The following DOK5 variants were observed in gnomAD, a reference collection of about 807,000 sequenced individuals.
DOK5 encodes the protein downstream of tyrosine kinase 5.
In DOK5, 27 loss-of-function variants were observed where a neutral mutation model predicts 43.3. The ratio of observed to expected loss-of-function variants is 0.62; its 90% confidence interval spans 0.46 to 0.86. The LOEUF is 0.86. Among genes scored for constraint, DOK5 ranks in the 40% least tolerant of loss-of-function variants. DOK5 has a pLI of 0.00. For synonymous variants in DOK5, 146 were observed against 140.1 expected (o/e 1.04, Z -0.30); for missense variants, 373 against 392.9 (o/e 0.95, Z 0.43).
Position 54,476,136 on chromosome 20 carries a change from TCA to T in DOK5, c.66+125_66+126del, listed in dbSNP as rs1190315550. 4 of 1,543,062 alleles carry T rather than the reference TCA, an allele frequency of 2.6e-6. No individual in the cohort carries two copies. In the African/African-American group the frequency reaches 5.4e-5, roughly 21 times the overall value. The stretch of plus-strand genomic sequence containing the variant: ...GCCGGAGAATTGCGCGGTGGCTTTC[TCA>T]GCCGAAACCCGCGTCTCCGGGGCTG... On this transcript the variant is annotated intron_variant, in intron 1 of 7. Transcript: ENST00000262593.
At chr20:54,563,890 T>A (rs1985002635) in intron 2 of DOK5, among the ~76,000 whole-genome samples, 1 of 152,142 alleles carries the variant, frequency 6.6e-6, no homozygotes, top group East Asian at 1.9e-4. Flanking sequence ...TTTAAAATTT[T>A]TTTTAAATCT....
chr20:54,496,458 G>A (rs113421163), intron 1 of DOK5, among the ~76,000 whole-genome samples: 3,007 of 152,224 alleles, frequency 0.02, 85 homozygotes, highest in African/African-American at 0.064. Context: ...ATCAGTTCAA[G>A]TTTTGAAATC....
intron 1 of DOK5, among the ~76,000 whole-genome samples, chr20:54,476,443 AACG>A (rs1981430388): frequency 6.6e-6 from 1 of 152,086 alleles, no homozygotes; most frequent in African/African-American, 2.4e-5. Flanking sequence ...ACTCGGTGTG[AACG>A]AGGTCACGAA....
At chr20:54,517,341 T>C (rs1353470863) in intron 1 of DOK5, among the ~76,000 whole-genome samples, 2 of 152,184 alleles carry the variant, frequency 1.3e-5, no homozygotes, top group African/African-American at 2.4e-5. Flanking sequence ...AGCTTAAATT[T>C]TGAAATAAAA....
intron 5 of DOK5, among the ~76,000 whole-genome samples, chr20:54,593,217 A>G (rs565251144): frequency 3.3e-5 from 5 of 151,324 alleles, no homozygotes; most frequent in Non-Finnish European, 5.9e-5. Context: ...GAGATCACCC[A>G]CTGCACTCCA....
intron 1 of DOK5, among the ~76,000 whole-genome samples, chr20:54,510,995 A>G (rs1205130680): frequency 6.6e-6 from 1 of 152,158 alleles, no homozygotes; most frequent in Non-Finnish European, 1.5e-5. Context: ...TTCAACCACA[A>G]CTGCAGTAAT....
intron 1 of DOK5, among the ~76,000 whole-genome samples, chr20:54,539,577 T>C (rs1203075292): frequency 6.6e-6 from 1 of 152,172 alleles, no homozygotes; most frequent in African/African-American, 2.4e-5. Flanking sequence ...AGTTGAAAAA[T>C]GAAAAGCATT....
intron 5 of DOK5, among the ~76,000 whole-genome samples, chr20:54,606,788 T>C (rs1986483034): frequency 6.6e-6 from 1 of 152,168 alleles, no homozygotes; most frequent in Admixed American, 6.5e-5. Context: ...GAAGGTCAGT[T>C]TGTGGTCATT....
chr20:54,596,766 C>T (rs905690193), intron 5 of DOK5, among the ~76,000 whole-genome samples: 10 of 152,282 alleles, frequency 6.6e-5, no homozygotes, highest in African/African-American at 2.4e-4. Flanking sequence ...TGAAAAGAAA[C>T]TCATTGACTT....
chr20:54,607,532 A>G (rs1986509960), intron 5 of DOK5, among the ~76,000 whole-genome samples: 1 of 152,054 alleles, frequency 6.6e-6, no homozygotes, highest in African/African-American at 2.4e-5. Context: ...TGATAACAAT[A>G]TTTATTTAGA....
rs1279908511 is a variant in DOK5 at position 54,475,623 on chromosome 20, G to T, written c.-324G>T. ...TCTCCTCCTTCTCGGCCGGGAGGAGGCAGGGCTGGATCCCTCAGCCGCCGC... is the reference window on the plus strand; with the variant it reads ...TCTCCTCCTTCTCGGCCGGGAGGAGTCAGGGCTGGATCCCTCAGCCGCCGC... On this transcript the variant is annotated 5_prime_UTR_variant, in exon 1 of 8. Transcript: ENST00000262593. The surrounding 1 kb of genome is among the most constrained non-coding windows in gnomAD (Gnocchi z 4.2). The T allele has an allele frequency of 6.9e-6, 3 of 431,896 alleles. No individual in the cohort carries two copies. The highest frequency in any genetic ancestry group is 6.4e-4 in the Middle Eastern group (1 of 1,560). The allele number at this position is 431,896 out of a possible 1,614,324, so 26.8% of individuals were successfully genotyped here.
intron 2 of DOK5, among the ~76,000 whole-genome samples, chr20:54,573,408 C>T (rs989296910): frequency 1.3e-5 from 2 of 152,048 alleles, no homozygotes; most frequent in Non-Finnish European, 2.9e-5. Flanking sequence ...TAAAGTTAGG[C>T]GAGGCGCGGT....
At chr20:54,632,766 T>C (rs1978629800) in intron 6 of DOK5, among the ~76,000 whole-genome samples, 1 of 152,168 alleles carries the variant, frequency 6.6e-6, no homozygotes, top group Non-Finnish European at 1.5e-5. Context: ...CAAAACCATC[T>C]GGGAACTTGT....
chr20:54,637,859 A>G (rs1472476344), intron 6 of DOK5, among the ~76,000 whole-genome samples: 2 of 152,234 alleles, frequency 1.3e-5, no homozygotes, highest in African/African-American at 4.8e-5. Context: ...GCGGTGGCTC[A>G]CGCCTGTAAT....
In DOK5 at chr20:54,511,629, T is replaced by C. The variant is rs546435315; in HGVS notation, c.66+35617T>C. On this transcript the variant is annotated intron_variant, in intron 1 of 7. Transcript: ENST00000262593. ...ATGGTGCAAATGGCAGAAAATTCGA[T>C]CCAAACTAAGCAAAGAGGAAGGTAT... 5.9e-5 allele frequency among the ~76,000 whole-genome samples: 9 copies of C among 152,308 alleles called. No homozygotes were observed. The East Asian group carries it at 1.7e-3, about 29-fold the overall frequency.
At chr20:54,621,080 T>A (rs894560157) in intron 6 of DOK5, among the ~76,000 whole-genome samples, 1 of 152,166 alleles carries the variant, frequency 6.6e-6, no homozygotes, top group African/African-American at 2.4e-5. Context: ...AGGAAATGAA[T>A]GGATATGAGG....
rs11432564 is a variant in DOK5, at chr20:54,593,260, G to GAA, written c.599+1467_599+1468dup. On this transcript the variant is annotated intron_variant, in intron 5 of 7. Transcript: ENST00000262593. ...TGACAGAGCGAGACTCTGTCTCCCA[G>GAA]AAAAAAAAAAAAATTACATTTTAAA... is the stretch of plus-strand genomic sequence containing the variant. Among the ~76,000 whole-genome samples, 251 of 142,380 alleles carry GAA rather than the reference G, an allele frequency of 1.8e-3. 3 individuals carry two copies. Among genetic ancestry groups the GAA allele is most frequent in the African/African-American group, 4.8e-3 (190 of 39,838 alleles). 93.4% of individuals were successfully genotyped at this position (142,380 alleles called of 152,430 possible).
At chr20:54,501,637 G>GT (rs1248448807) in intron 1 of DOK5, among the ~76,000 whole-genome samples, 1 of 152,070 alleles carries the variant, frequency 6.6e-6, no homozygotes, top group East Asian at 1.9e-4. Flanking sequence ...CATATGTAGA[G>GT]TCCAATGTGT....
At position 54,643,756 on chromosome 20, in the gene DOK5, T is replaced by C. The variant is rs925303465; in HGVS notation, c.856+178T>C. Reference sequence around the variant, plus strand: ...TAATCTTTGTAGAGCCAAATATCTGTATGGCTCTAGAGATATTTGTATCTA... The same window carrying C: ...TAATCTTTGTAGAGCCAAATATCTGCATGGCTCTAGAGATATTTGTATCTA... On this transcript the variant is annotated intron_variant, in intron 7 of 7. Transcript: ENST00000262593. Among the ~76,000 whole-genome samples, 5 of 152,210 alleles carry C rather than the reference T, an allele frequency of 3.3e-5. No individual in the cohort carries two copies. The East Asian group carries it at 9.6e-4, about 29-fold the overall frequency.
Sources: gnomAD v4.1 joint callset for allele counts (sites outside exome capture counted in the v4.1 genomes callset) on GRCh38, gnomAD v4.1.1 for gene constraint, Gnocchi (gnomAD v3.1) non-coding constraint, MANE v1.5 for transcripts, NCBI Gene and HGNC (gene_info 2026-07-23, HGNC 2026-07-21) for gene names.